Variants in TAB1 observed in about 807,000 individuals in gnomAD.
TAB1 encodes the protein TGF-beta activated kinase 1 (MAP3K7) binding protein 1.
A neutral mutation model predicts 54.5 loss-of-function variants in TAB1; 30 were observed. That is an observed-to-expected ratio of 0.55 (90% CI 0.41 to 0.75). TAB1 has a LOEUF of 0.75. Among genes scored for constraint, TAB1 ranks in the 30% least tolerant of loss-of-function variants. TAB1 has a pLI of 0.00. For missense variants in TAB1, 609 were observed against 683.2 expected (o/e 0.89, Z 1.21); for synonymous variants, 289 against 286.9 (o/e 1.01, Z -0.07).
chr22:39,401,054 A>G (rs1048918203), intron 1 of TAB1, among the ~76,000 whole-genome samples: 1 of 151,624 alleles, frequency 6.6e-6, no homozygotes, highest in African/African-American at 2.4e-5. Flanking sequence ...AAAAAAAAAA[A>G]AACGAAAGTA....
chr22:39,400,577 G>A (rs1926094469), intron 1 of TAB1, among the ~76,000 whole-genome samples: 1 of 152,230 alleles, frequency 6.6e-6, no homozygotes, highest in African/African-American at 2.4e-5. Flanking sequence ...GTTTGGCGCT[G>A]TCTTCCAGGC....
Position 39,418,745 on chromosome 22 carries a change from A to G in TAB1, c.564A>G (p.Ala188=). 6.2e-7 allele frequency: 1 copy of G among 1,613,836 alleles called. No individual in the cohort carries two copies. Among genetic ancestry groups the G allele is most frequent in the Non-Finnish European group, 8.5e-7 (1 of 1,179,752 alleles). The change falls in exon 6 of 11, where the codon GCA becomes GCG. Residue 188 remains alanine, a synonymous_variant. Transcript: ENST00000216160. The stretch of plus-strand genomic sequence containing the variant: ...ATTCTGCCACAGGTACAAACCGTGC[A>G]CTTTTATGCAAATCGACAGTGGATG... ...LYVANVGTNR[A]LLCKSTVDGL... is the part of the protein sequence containing the mutation.
At chr22:39,419,286 G>C (rs372718983) in intron 6 of TAB1, among the ~76,000 whole-genome samples, 2 of 152,218 alleles carry the variant, frequency 1.3e-5, no homozygotes, top group Admixed American at 1.3e-4. Flanking sequence ...AAGCTGCTCC[G>C]TGCCAGGTGG....
chr22:39,427,191 C>T (rs1927388209), intron 9 of TAB1, among the ~76,000 whole-genome samples: 1 of 152,238 alleles, frequency 6.6e-6, no homozygotes, highest in South Asian at 2.1e-4. Context: ...AGCCCTGAAG[C>T]CACATAATAG....
At chr22:39,427,341 A>G (rs1927394121) in intron 9 of TAB1, among the ~76,000 whole-genome samples, 1 of 152,250 alleles carries the variant, frequency 6.6e-6, no homozygotes, top group African/African-American at 2.4e-5. Context: ...TGAAGAATGA[A>G]GGGACCTGGA....
intron 8 of TAB1, among the ~76,000 whole-genome samples, chr22:39,422,412 T>A (rs913323408): frequency 7.1e-6 from 1 of 141,312 alleles, no homozygotes; most frequent in African/African-American, 2.6e-5. Flanking sequence ...TTTTTTTTTT[T>A]TTTTTTTTTT....
chr22:39,415,420 C>T lies in TAB1; in HGVS notation c.171-80C>T. On this transcript the variant is annotated intron_variant, in intron 2 of 10. Transcript: ENST00000216160. This position sits in a 1 kb window ranked among gnomAD's most constrained non-coding sequence, Gnocchi z 4.9. ...GCTGCAGCTGCTGTCGCTTTAGTCT[C>T]CCCCAATTCCTTTCCCTTTCTCCCT... The T allele has an allele frequency of 3.2e-6, 5 of 1,538,910 alleles. No individual in the cohort carries two copies. Among genetic ancestry groups the T allele is most frequent in the African/African-American group, 1.4e-5 (1 of 73,558 alleles).
At chr22:39,405,701 G>C (rs1223418545) in intron 1 of TAB1, among the ~76,000 whole-genome samples, 1 of 152,206 alleles carries the variant, frequency 6.6e-6, no homozygotes, top group East Asian at 1.9e-4. Flanking sequence ...GGAAGCGAGA[G>C]ACTTGGCAGT....
rs751892971 is a variant in TAB1, at chr22:39,415,535, A to G, written c.206A>G (p.Asn69Ser). 6.8e-6 allele frequency: 11 copies of G among 1,614,166 alleles called. No homozygotes were observed. The highest frequency in any genetic ancestry group is 2.2e-5 in the East Asian group (1 of 44,868). ...AACTGCTTCCTGTATGGGGTCTTCA[A>G]CGGCTATGATGGCAACCGAGTGACC... Reference protein sequence around the residue: ...ENNCFLYGVFNGYDGNRVTNF... With the variant: ...ENNCFLYGVFSGYDGNRVTNF... The change falls in exon 3 of 11, where the codon AAC becomes AGC. Residue 69 changes from asparagine (N) to serine (S), a missense_variant. Coordinates refer to ENST00000216160, the MANE Select transcript of TAB1 (RefSeq NM_006116.3). The surrounding 1 kb of genome is among the most constrained non-coding windows in gnomAD (Gnocchi z 4.9).
intron 1 of TAB1, among the ~76,000 whole-genome samples, chr22:39,409,748 C>CTG (rs1186234679): frequency 6.6e-6 from 1 of 152,172 alleles, no homozygotes. Context: ...GCCCATCACG[C>CTG]TGTGTCCCAT....
chr22:39,400,584 A>G (rs73885213), intron 1 of TAB1, among the ~76,000 whole-genome samples: 1 of 152,316 alleles, frequency 6.6e-6, no homozygotes, highest in African/African-American at 2.4e-5. Flanking sequence ...GCTGTCTTCC[A>G]GGCCCTGCGT....
In TAB1 at chr22:39,429,184, C is replaced by T. The variant is rs1024285967; in HGVS notation, c.1308-831C>T. On this transcript the variant is annotated intron_variant, in intron 10 of 10. Transcript: ENST00000216160. ...CTGGCCCTGTGCTGGTGCTGGGCAG[C>T]GCTAACAGGCAGTTCCAGCTGTGAT... The T allele has an allele frequency of 7.8e-5, 77 of 985,302 alleles. No individual in the cohort carries two copies. The African/African-American group carries it at 9.8e-4, about 13-fold the overall frequency. 61.0% of individuals were successfully genotyped at this position (985,302 alleles called of 1,614,324 possible).
chr22:39,429,369 C>G, intron 10 of TAB1: 1 of 985,446 alleles, frequency 1.0e-6, no homozygotes, highest in Non-Finnish European at 1.2e-6. Flanking sequence ...GGTGGTTCAG[C>G]TTCACCCGAG....
intron 1 of TAB1, among the ~76,000 whole-genome samples, chr22:39,407,869 C>T (rs895380944): frequency 6.6e-6 from 1 of 152,186 alleles, no homozygotes; most frequent in African/African-American, 2.4e-5. Context: ...ATCTGCCCGC[C>T]TCAGCCTCCC....
In TAB1 at chr22:39,426,885, G is replaced by A. The variant is rs765003115; in HGVS notation, c.1104G>A (p.Pro368=). 8.7e-6 allele frequency: 14 copies of A among 1,612,566 alleles called. No individual in the cohort carries two copies. The East Asian group carries it at 8.9e-5, about 10-fold the overall frequency. ...MTLLVRNFGY[P]LGEMSQPTPS... ...TGCTAGTGAGGAACTTTGGCTACCCGCTGGGCGAAATGAGCCAGCCCACAC... is the reference window on the plus strand; with the variant it reads ...TGCTAGTGAGGAACTTTGGCTACCCACTGGGCGAAATGAGCCAGCCCACAC... Residue 368 remains proline (P), a synonymous_variant, in exon 9 of 11, where the codon CCG becomes CCA. Coordinates refer to ENST00000216160, the MANE Select transcript of TAB1 (RefSeq NM_006116.3).
chr22:39,411,603 G>A (rs768831439), intron 1 of TAB1, among the ~76,000 whole-genome samples: 8 of 152,172 alleles, frequency 5.3e-5, no homozygotes, highest in African/African-American at 7.2e-5. Flanking sequence ...TGGCAAGGAC[G>A]TGGAGCAGCC....
At chr22:39,422,400 CTTTTT>C (rs965591327) in intron 8 of TAB1, among the ~76,000 whole-genome samples, 1 of 88,522 alleles carries the variant, frequency 1.1e-5, no homozygotes, top group African/African-American at 4.9e-5. Context: ...CTTCTCATTT[CTTTTT>C]TTTTTTTTTT....
intron 8 of TAB1, among the ~76,000 whole-genome samples, chr22:39,425,376 C>CTTTT (rs1159875140): frequency 1.0e-4 from 15 of 150,364 alleles, no homozygotes; most frequent in Non-Finnish European, 1.5e-4. Context: ...CAGTGAGACT[C>CTTTT]TGTCTCAAAA....
At chr22:39,436,551 G>A (rs894962961), downstream of TAB1, 8 of 1,613,898 alleles carry the variant, frequency 5.0e-6, no homozygotes, top group African/African-American at 1.1e-4. Context: ...AAACCTCCTG[G>A]GCAGCCTGAC....
Sources: gnomAD v4.1 joint callset for allele counts (sites outside exome capture counted in the v4.1 genomes callset) on GRCh38, gnomAD v4.1.1 for gene constraint, Gnocchi (gnomAD v3.1) non-coding constraint, MANE v1.5 for transcripts, NCBI Gene and HGNC (gene_info 2026-07-23, HGNC 2026-07-21) for gene names.